Variants in LRP1B observed in about 807,000 individuals in gnomAD.
LRP1B encodes LDL receptor related protein 1B, also known as low-density lipoprotein receptor-related protein 1B.
A neutral mutation model predicts 556.6 loss-of-function variants in LRP1B; 217 were observed. The ratio of observed to expected loss-of-function variants is 0.39; its 90% confidence interval spans 0.35 to 0.44. The LOEUF (loss-of-function observed/expected upper bound fraction) is 0.44. LRP1B is among the 20% of genes least tolerant of loss of function. LRP1B has a pLI of 1.00. For missense variants in LRP1B, 5,053 were observed against 5,620.8 expected (o/e 0.90, Z 3.23); for synonymous variants, 2,047 against 1,865.8 (o/e 1.10, Z -2.50).
intron 2 of LRP1B, chr2:141,805,374 A>G (rs1159436781): frequency 2.0e-5 from 3 of 152,126 alleles, no homozygotes; most frequent in Non-Finnish European, 4.4e-5. Flanking sequence ...ACCCCTATTC[A>G]GTTAAGTCAC....
intron 78 of LRP1B, among the ~76,000 whole-genome samples, chr2:140,335,308 T>G: frequency 6.6e-6 from 1 of 151,880 alleles, no homozygotes; most frequent in Admixed American, 6.6e-5. Context: ...ATAATTCAAT[T>G]TTAGATTATA....
chr2:141,505,491 C>T lies in LRP1B; in HGVS notation c.206-24958G>A, dbSNP rs539414334. Among the ~76,000 whole-genome samples the T allele has an allele frequency of 2.8e-3, 429 of 152,144 alleles. 4 individuals carry two copies. The highest frequency in any genetic ancestry group is 8.3e-3 in the African/African-American group (345 of 41,526). ...ATATGGGCCAAAGTTGATACTGTAC[C>T]TGTGAAATTTTCACAATGAAGCTGT... On this transcript the variant is annotated intron_variant, in intron 2 of 90. Transcript: ENST00000389484.
At chr2:142,115,279 G>T (rs1707146262) in intron 1 of LRP1B, among the ~76,000 whole-genome samples, 1 of 150,352 alleles carries the variant, frequency 6.7e-6, no homozygotes. Flanking sequence ...TGGAACATCT[G>T]GCAGTGTTAG....
At chr2:141,862,652 C>T (rs1280759034) in intron 1 of LRP1B, among the ~76,000 whole-genome samples, 1 of 152,178 alleles carries the variant, frequency 6.6e-6, no homozygotes, top group African/African-American at 2.4e-5. Flanking sequence ...CGTGATCCAC[C>T]TGCATTGGCC....
chr2:141,811,728 A>T (rs1416040613), intron 1 of LRP1B, among the ~76,000 whole-genome samples: 1 of 152,016 alleles, frequency 6.6e-6, no homozygotes, highest in East Asian at 1.9e-4. Flanking sequence ...TCACTGTCAT[A>T]ATTATTTTTC....
At chr2:141,286,466 ACT>A (rs1217570311) in intron 3 of LRP1B, among the ~76,000 whole-genome samples, 1 of 152,184 alleles carries the variant, frequency 6.6e-6, no homozygotes, top group Non-Finnish European at 1.5e-5. Flanking sequence ...TTAGGGTTAT[ACT>A]GGCCTCATAA....
chr2:140,589,258 A>G (rs1391007675), intron 43 of LRP1B, among the ~76,000 whole-genome samples: 1 of 152,194 alleles, frequency 6.6e-6, no homozygotes, highest in East Asian at 1.9e-4. Context: ...AAAACAAACT[A>G]CAAAGTGGGG....
intron 1 of LRP1B, among the ~76,000 whole-genome samples, chr2:142,097,717 T>C (rs1042410960): frequency 6.6e-6 from 1 of 151,646 alleles, no homozygotes; most frequent in Non-Finnish European, 1.5e-5. Context: ...TAAAACCATG[T>C]AATTGCCATC....
chr2:140,708,300 GTTCT>G (rs1162010690), intron 37 of LRP1B, among the ~76,000 whole-genome samples: 17 of 151,408 alleles, frequency 1.1e-4, no homozygotes. Flanking sequence ...CATTTGAGTT[GTTCT>G]TTCTGTTTAA....
At chr2:140,298,563 T>A (rs2105002754) in intron 83 of LRP1B, among the ~76,000 whole-genome samples, 1 of 152,270 alleles carries the variant, frequency 6.6e-6, no homozygotes, top group Non-Finnish European at 1.5e-5. Context: ...TTTGTCTAAT[T>A]TTGATATTGT....
In LRP1B at chr2:141,660,685, G is replaced by A. The variant is rs1248031906; in HGVS notation, c.205+149594C>T. Among the ~76,000 whole-genome samples the A allele has an allele frequency of 2.0e-5, 3 of 152,132 alleles. No individual in the cohort carries two copies. In the East Asian group the frequency reaches 5.8e-4, roughly 29 times the overall value. The stretch of plus-strand genomic sequence containing the variant: ...GACAGAACTCTGATCTCTCTGGGAC[G>A]GAGTCCCTGTGGAAATGGGCTGCCG... On this transcript the variant is annotated intron_variant, in intron 2 of 90. Transcript: ENST00000389484.
At position 140,371,907 on chromosome 2, in the gene LRP1B, G is replaced by A. The variant is rs148498344; in HGVS notation, c.10769-622C>T. Among the ~76,000 whole-genome samples, 371 of 152,128 alleles carry A rather than the reference G, an allele frequency of 2.4e-3. 2 individuals are homozygous for A. Among genetic ancestry groups the A allele is most frequent in the African/African-American group, 8.1e-3 (335 of 41,552 alleles). ...AGAATGTGCAGTATTCCTTTATGAT[G>A]CCGAAATTAAGAATAACAAGCAGCT... On this transcript the variant is annotated intron_variant, in intron 69 of 90. Transcript: ENST00000389484.
intron 1 of LRP1B, among the ~76,000 whole-genome samples, chr2:142,080,535 A>C (rs1205273471): frequency 6.6e-6 from 1 of 152,180 alleles, no homozygotes; most frequent in Admixed American, 6.5e-5. Context: ...AAAAAAAATA[A>C]ATAAATAAAT....
chr2:141,199,291 C>T lies in LRP1B; in HGVS notation c.851-10708G>A, dbSNP rs139523960. Reference sequence around the variant, plus strand: ...TGTTAAAACACCTTAGAGTATTTCTCTTATAACATTTTACCATGAAGGCCA... The same window carrying T: ...TGTTAAAACACCTTAGAGTATTTCTTTTATAACATTTTACCATGAAGGCCA... On this transcript the variant is annotated intron_variant, in intron 6 of 90. Coordinates refer to ENST00000389484, the MANE Select transcript of LRP1B (RefSeq NM_018557.3). Among the ~76,000 whole-genome samples, 15 of 152,226 alleles carry T rather than the reference C, an allele frequency of 9.9e-5. No individual in the cohort carries two copies. The East Asian group carries it at 2.5e-3, about 26-fold the overall frequency.
chr2:141,041,417 A>G (rs1016159212), intron 11 of LRP1B, among the ~76,000 whole-genome samples: 1 of 152,180 alleles, frequency 6.6e-6, no homozygotes, highest in Non-Finnish European at 1.5e-5. Flanking sequence ...GGAAGAGTCC[A>G]TTTCTTTGCC....
chr2:141,919,696 C>T (rs964883012), intron 1 of LRP1B, among the ~76,000 whole-genome samples: 13 of 152,024 alleles, frequency 8.6e-5, no homozygotes, highest in South Asian at 2.1e-4. Context: ...ATTATGGCTA[C>T]GCATTTATTT....
At chr2:142,017,872 C>G (rs1391580064) in intron 1 of LRP1B, among the ~76,000 whole-genome samples, 1 of 152,036 alleles carries the variant, frequency 6.6e-6, no homozygotes, top group African/African-American at 2.4e-5. Context: ...CAGAGCGAGA[C>G]CTTGTCTCAA....
chr2:141,243,014 A>T (rs1683935905), intron 5 of LRP1B, among the ~76,000 whole-genome samples: 1 of 152,168 alleles, frequency 6.6e-6, no homozygotes, highest in Non-Finnish European at 1.5e-5. Context: ...CAAATTTTAA[A>T]AATGTTTTTA....
chr2:141,477,981 C>T (rs942953197), intron 3 of LRP1B, among the ~76,000 whole-genome samples: 4 of 150,414 alleles, frequency 2.7e-5, no homozygotes, highest in African/African-American at 9.8e-5. Flanking sequence ...AAAAAGTTGT[C>T]ACATGTGATA....
Sources: allele counts gnomAD v4.1 joint callset (sites outside exome capture counted in the v4.1 genomes callset), GRCh38; gene constraint gnomAD v4.1.1; transcripts MANE v1.5; gene names NCBI Gene and HGNC (gene_info 2026-07-23, HGNC 2026-07-21).